The following BMP1 variants were observed in gnomAD, a reference collection of about 807,000 sequenced individuals.
The protein encoded by BMP1 is mammalian tolloid protein.
A neutral mutation model predicts 116.8 loss-of-function variants in BMP1; 63 were observed. The ratio of observed to expected loss-of-function variants is 0.54; its 90% CI spans 0.44 to 0.67. The LOEUF is 0.67. Among genes scored for constraint, BMP1 ranks in the 30% least tolerant of loss-of-function variants. The pLI is 0.00. For synonymous variants in BMP1, 536 were observed against 533.4 expected (o/e 1.00, Z -0.07); for missense variants, 1,183 against 1,358.9 (o/e 0.87, Z 2.04).
chr8:22,199,682 C>T (rs1199456047), intron 15 of BMP1, among the ~76,000 whole-genome samples: 1 of 152,204 alleles, frequency 6.6e-6, no homozygotes, highest in Non-Finnish European at 1.5e-5. Context: ...AAGCTGGGCC[C>T]CCCAAAGCTT....
chr8:22,201,653 T>C, intron 15 of BMP1, 150 bp from the exon 16 acceptor site: 1 of 1,405,606 alleles, frequency 7.1e-7, no homozygotes, highest in Non-Finnish European at 9.4e-7. Flanking sequence ...TCGCCTGGCC[T>C]CCCACTCCCG....
intron 16 of BMP1, among the ~76,000 whole-genome samples, chr8:22,202,600 C>T (rs973855327): frequency 1.2e-4 from 19 of 152,250 alleles, no homozygotes; most frequent in African/African-American, 4.6e-4. Context: ...GTAATCCCAG[C>T]ACTTTGGGAG....
chr8:22,192,296 T>C (rs1282484339), intron 9 of BMP1, 145 bp downstream of exon 9: 8 of 647,026 alleles, frequency 1.2e-5, no homozygotes, highest in Non-Finnish European at 2.1e-5. Flanking sequence ...GCATCATTAG[T>C]CCCAGATAGC....
At chr8:22,197,549 T>C (rs1586464540) in intron 15 of BMP1, 129 bp downstream of exon 15, 1 of 998,664 alleles carries the variant, frequency 1.0e-6, no homozygotes, top group Non-Finnish European at 1.5e-6. Flanking sequence ...TGCCCCCTGC[T>C]CCCCACCACT....
At chr8:22,192,329 A>T in intron 9 of BMP1, 178 bp downstream of exon 9, 1 of 553,044 alleles carries the variant, frequency 1.8e-6, no homozygotes, top group Non-Finnish European at 3.3e-6. Flanking sequence ...TTGCTGCGAG[A>T]CTTCAGGCAA....
chr8:22,179,616 C>G lies in BMP1; in HGVS notation c.837-89C>G, dbSNP rs551734811. 1.9e-6 allele frequency: 3 copies of G among 1,598,264 alleles called. No homozygotes were observed. The highest frequency in any genetic ancestry group is 2.7e-5 in the African/African-American group (2 of 74,572). Reference sequence around the variant, plus strand: ...AGGAATGTCTGAGCTCCAGCAGGGTCGTGACTTGTGGGTACAGATGGGCAT... The same window carrying G: ...AGGAATGTCTGAGCTCCAGCAGGGTGGTGACTTGTGGGTACAGATGGGCAT... On this transcript the variant is annotated intron_variant, in intron 6 of 19. Coordinates refer to ENST00000306385, the MANE Select transcript of BMP1 (RefSeq NM_006129.5). The surrounding 1 kb of genome is among the most constrained non-coding windows in gnomAD (Gnocchi z 4.6).
At chr8:22,201,285 AC>A in intron 15 of BMP1, 4 of 1,517,572 alleles carry the variant, frequency 2.6e-6, no homozygotes, top group Non-Finnish European at 2.6e-6. Flanking sequence ...GTGCCCACCA[AC>A]CCCCCACCTC....
In BMP1 at chr8:22,165,395, G is replaced by C; in HGVS notation, c.-11G>C. 2 of 1,455,736 alleles carry C rather than the reference G, an allele frequency of 1.4e-6. No individual in the cohort carries two copies. The highest frequency in any genetic ancestry group is 1.8e-6 in the Non-Finnish European group (2 of 1,109,628). The allele number at this position is 1,455,736 out of a possible 1,614,324, so 90.2% of individuals were successfully genotyped here. A position where few individuals can be genotyped will look rare whatever the true frequency, so the allele number is the denominator to read the frequency against. On this transcript the variant is annotated 5_prime_UTR_variant, in exon 1 of 20. Coordinates refer to ENST00000306385, the MANE Select transcript of BMP1 (RefSeq NM_006129.5). ...CCAGTGCGCCGCTTCCCTCGCCGCC[G>C]CCCCGCCAGCATGCCCGGCGTGGCC...
chr8:22,195,557 G>A lies in BMP1; in HGVS notation c.1735G>A (p.Glu579Lys), dbSNP rs1255528790. The change falls in exon 13 of 20, where the codon GAG (glutamate) becomes AAG (lysine). Residue 579 changes from glutamate (E) to lysine (K), a missense_variant. Coordinates refer to ENST00000306385, the MANE Select transcript of BMP1 (RefSeq NM_006129.5). The part of the protein sequence containing the change: ...SYKCSCDPGY[E>K]LAPDKRRCEA... ...CAAGTGCAGCTGTGACCCCGGGTAC[G>A]AGCTGGCCCCAGACAAGCGCCGCTG... 6 of 1,612,246 alleles carry A rather than the reference G, an allele frequency of 3.7e-6. No homozygotes were observed. The highest frequency in any genetic ancestry group is 2.2e-5 in the East Asian group (1 of 44,748).
In BMP1 at chr8:22,193,823, C is replaced by T. The variant is rs117087819; in HGVS notation, c.1181-235C>T. Among the ~76,000 whole-genome samples the T allele has an allele frequency of 7.3e-3, 1,113 of 152,296 alleles. 13 individuals are homozygous for T. Among genetic ancestry groups the T allele is most frequent in the South Asian group, 0.01 (49 of 4,824 alleles). On this transcript the variant is annotated intron_variant, in intron 9 of 19. Transcript: ENST00000306385. Reference sequence around the variant, plus strand: ...AGATAAAATGAAAAATAAAGATCTACCTTTCCTCCTAGAAATAGACTCATA... The same window carrying T: ...AGATAAAATGAAAAATAAAGATCTATCTTTCCTCCTAGAAATAGACTCATA...
At chr8:22,210,863 G>A (rs1372129107) in intron 19 of BMP1, among the ~76,000 whole-genome samples, 1 of 152,232 alleles carries the variant, frequency 6.6e-6, no homozygotes, top group Non-Finnish European at 1.5e-5. Context: ...GAAGGAACTT[G>A]GGGAAGGATC....
At chr8:22,193,655 A>T (rs886567846) in intron 9 of BMP1, among the ~76,000 whole-genome samples, 8 of 152,180 alleles carry the variant, frequency 5.3e-5, no homozygotes, top group African/African-American at 1.7e-4. Flanking sequence ...GTGGTGGCAG[A>T]TGCCTGTAGC....
chr8:22,185,098 G>C (rs538225258), intron 8 of BMP1, among the ~76,000 whole-genome samples: 2 of 152,324 alleles, frequency 1.3e-5, no homozygotes, highest in African/African-American at 2.4e-5. Flanking sequence ...CTGGCGCGGA[G>C]AGGACTGACA....
chr8:22,200,989 T>TCC, intron 15 of BMP1: 4 of 137,110 alleles, frequency 2.9e-5, no homozygotes, highest in South Asian at 1.1e-4. Context: ...CCGCCTGCCC[T>TCC]CCCGCCCCAC....
intron 19 of BMP1, among the ~76,000 whole-genome samples, chr8:22,209,973 G>A (rs954614749): frequency 2.6e-5 from 4 of 152,374 alleles, no homozygotes; most frequent in Admixed American, 6.5e-5. Flanking sequence ...AGTTGGCCAC[G>A]GCCTGGAGCG....
Position 22,209,511 on chromosome 8 carries a change from A to G in BMP1, c.2642A>G (p.Asp881Gly). 1.9e-6 allele frequency: 3 copies of G among 1,614,200 alleles called. No individual in the cohort carries two copies. The highest frequency in any genetic ancestry group is 2.5e-6 in the Non-Finnish European group (3 of 1,180,016). Residue 881 changes from aspartate (D) to glycine (G), a missense_variant, in exon 19 of 20, where the codon GAC (aspartate) becomes GGC (glycine). Coordinates refer to ENST00000306385, the MANE Select transcript of BMP1 (RefSeq NM_006129.5). ...CTTTACTCCCACGCCCAGTTTGGCG[A>G]CAACAACTACCCTGGGGGTGTGGAC... ...KDLYSHAQFGDNNYPGGVDCE... is the reference protein window; with the variant it reads ...KDLYSHAQFGGNNYPGGVDCE...
chr8:22,190,824 A>G (rs1333231054), intron 8 of BMP1, among the ~76,000 whole-genome samples: 2 of 152,172 alleles, frequency 1.3e-5, no homozygotes, highest in African/African-American at 4.8e-5. Flanking sequence ...CAAGGGAGGC[A>G]GACGGTCCCC....
intron 15 of BMP1, among the ~76,000 whole-genome samples, chr8:22,198,158 C>G (rs4072419): frequency 0.45 from 68,033 of 151,974 alleles, 15,934 homozygotes; most frequent in Non-Finnish European, 0.54. Flanking sequence ...CACTCCAGAC[C>G]CTGTTTCTAA....
intron 7 of BMP1, 22 bp from the exon 8 acceptor site, chr8:22,180,346 C>T (rs1828579065): frequency 6.3e-7 from 1 of 1,593,424 alleles, no homozygotes; most frequent in South Asian, 1.1e-5. Flanking sequence ...CAGCCCTGCC[C>T]TGTCATTTCC....
Sources: allele counts gnomAD v4.1 joint callset (sites outside exome capture counted in the v4.1 genomes callset), GRCh38; gene constraint gnomAD v4.1.1; non-coding constraint Gnocchi (gnomAD v3.1); transcripts MANE v1.5; gene names NCBI Gene and HGNC (gene_info 2026-07-23, HGNC 2026-07-21).